LAMB4: variants seen among roughly 807,000 people sequenced by gnomAD.
LAMB4 encodes the protein laminin subunit beta 4.
A neutral mutation model predicts 199.2 loss-of-function variants in LAMB4; 196 were observed. The ratio of observed to expected loss-of-function variants is 0.98; its 90% confidence interval spans 0.88 to 1.11. LAMB4 has a LOEUF of 1.11. Among genes scored for constraint, LAMB4 ranks in the 50% least tolerant of loss-of-function variants. The probability of loss-of-function intolerance (pLI) is 0.00; values close to 1 mark genes in which losing one functional copy is unlikely to be tolerated. For synonymous variants in LAMB4, 744 were observed against 770.6 expected (o/e 0.97, Z 0.57); for missense variants, 2,080 against 2,171.2 (o/e 0.96, Z 0.83).
chr7:108,030,755 T>G, intron 32 of LAMB4, 51 bp downstream of exon 32: 1 of 1,567,780 alleles, frequency 6.4e-7, no homozygotes, highest in Non-Finnish European at 8.7e-7. Flanking sequence ...GAACTATCTT[T>G]CAAAGAAGCC....
intron 17 of LAMB4, among the ~76,000 whole-genome samples, chr7:108,073,332 C>T (rs2036597115): frequency 6.6e-6 from 1 of 152,210 alleles, no homozygotes; most frequent in East Asian, 1.9e-4. Flanking sequence ...AATGCCATGA[C>T]TCACTTCTTC....
At chr7:108,059,761 T>TG (rs57381994) in intron 23 of LAMB4, among the ~76,000 whole-genome samples, 7,034 of 152,274 alleles carry the variant, frequency 0.046, 553 homozygotes, top group African/African-American at 0.16. Flanking sequence ...TCACAAGAGC[T>TG]GTGCCAAGTT....
the LAMB4 span, among the ~76,000 whole-genome samples, chr7:108,015,985 A>G: frequency 1.3e-5 from 2 of 152,140 alleles, no homozygotes; most frequent in Admixed American, 6.5e-5. Flanking sequence ...ACATGTCTCA[A>G]ATATTTGACT....
At chr7:108,078,161 T>G (rs1359577463) in intron 16 of LAMB4, 40 bp downstream of exon 16, 1 of 1,338,970 alleles carries the variant, frequency 7.5e-7, no homozygotes, top group East Asian at 2.4e-5. Context: ...AACAAAATTC[T>G]AAGAAGCTTT....
At chr7:108,084,954 G>C (rs2037112552) in intron 14 of LAMB4, among the ~76,000 whole-genome samples, 1 of 151,216 alleles carries the variant, frequency 6.6e-6, no homozygotes, top group African/African-American at 2.4e-5. Context: ...ATCTAGTCTA[G>C]TCTCAAACTC....
rs1228812764 is a variant in LAMB4, at chr7:108,098,463, A to G, written c.1300T>C (p.Cys434Arg). ...LCKENVEGAK[C>R]DQCKPNHYGL... Reference sequence around the variant, plus strand: ...TAGTGGTTGGGTTTGCACTGGTCGCATTTGGCTCCTTCCACGTTCTCTTTA... The same window carrying G: ...TAGTGGTTGGGTTTGCACTGGTCGCGTTTGGCTCCTTCCACGTTCTCTTTA... The change falls in exon 11 of 34, where the codon TGC becomes CGC. Residue 434 changes from cysteine to arginine, a missense_variant. Coordinates refer to ENST00000388781, the MANE Select transcript of LAMB4 (RefSeq NM_007356.3). The G allele has an allele frequency of 5.1e-6, 8 of 1,560,124 alleles. No individual in the cohort carries two copies. The highest frequency in any genetic ancestry group is 1.9e-5 in the Admixed American group (1 of 53,928).
chr7:108,088,788 G>A (rs1320438707), intron 14 of LAMB4, among the ~76,000 whole-genome samples: 1 of 152,174 alleles, frequency 6.6e-6, no homozygotes, highest in East Asian at 1.9e-4. Flanking sequence ...GAACACTGAG[G>A]ATGGCCTCTG....
At chr7:108,038,460 A>G (rs987188383) in intron 29 of LAMB4, among the ~76,000 whole-genome samples, 4 of 152,176 alleles carry the variant, frequency 2.6e-5, no homozygotes, top group African/African-American at 7.2e-5. Flanking sequence ...GTGCCCCCCA[A>G]AGAAACTTTC....
At chr7:108,096,743 G>GA (rs1456626211) in intron 11 of LAMB4, among the ~76,000 whole-genome samples, 2 of 142,582 alleles carry the variant, frequency 1.4e-5, no homozygotes, top group African/African-American at 5.2e-5. Context: ...ACCAGCCTAG[G>GA]AAACACAGTG....
intron 14 of LAMB4, among the ~76,000 whole-genome samples, chr7:108,082,636 C>A (rs1584709130): frequency 6.6e-6 from 1 of 152,154 alleles, no homozygotes; most frequent in East Asian, 1.9e-4. Context: ...TTCTTCAATT[C>A]TTGAATATAT....
chr7:108,065,167 C>T (rs531248017), intron 21 of LAMB4, among the ~76,000 whole-genome samples: 5 of 152,232 alleles, frequency 3.3e-5, no homozygotes, highest in South Asian at 2.1e-4. Flanking sequence ...ACCCACTTCC[C>T]GGCCTTCCAA....
intron 17 of LAMB4, among the ~76,000 whole-genome samples, chr7:108,074,985 T>A (rs2036649886): frequency 6.6e-6 from 1 of 152,232 alleles, no homozygotes; most frequent in South Asian, 2.1e-4. Flanking sequence ...AATTTGGGTT[T>A]CCTGATTATT....
At chr7:108,017,929 A>ATT in the LAMB4 span, among the ~76,000 whole-genome samples, 1 of 152,238 alleles carries the variant, frequency 6.6e-6, no homozygotes. Flanking sequence ...AAATGAGGAC[A>ATT]TGAAATTCAG....
intron 17 of LAMB4, among the ~76,000 whole-genome samples, chr7:108,071,941 T>C (rs1334373344): frequency 1.3e-5 from 2 of 152,158 alleles, no homozygotes; most frequent in Non-Finnish European, 2.9e-5. Context: ...GAACTTTTTT[T>C]TTTTTTTCAT....
intron 9 of LAMB4, among the ~76,000 whole-genome samples, chr7:108,104,136 A>T (rs560293475): frequency 8.5e-5 from 13 of 152,330 alleles, no homozygotes; most frequent in Non-Finnish European, 1.5e-4. Flanking sequence ...CATGGAATGT[A>T]TGACTATTCA....
rs140531244 is a variant in LAMB4, at chr7:108,075,212, C to T, written c.2124+1732G>A. On this transcript the variant is annotated intron_variant, in intron 17 of 33. Coordinates refer to ENST00000388781, the MANE Select transcript of LAMB4 (RefSeq NM_007356.3). ...GATTATATAGTTAGGGAAATCATGACGGTTTAAAATTCCCAATTAAGAGTT... is the reference window on the plus strand; with the variant it reads ...GATTATATAGTTAGGGAAATCATGATGGTTTAAAATTCCCAATTAAGAGTT... 5.9e-5 allele frequency among the ~76,000 whole-genome samples: 9 copies of T among 152,282 alleles called. No individual in the cohort carries two copies. The East Asian group carries it at 1.3e-3, about 23-fold the overall frequency.
chr7:108,097,408 C>T (rs1323819616), intron 11 of LAMB4, among the ~76,000 whole-genome samples: 1 of 152,178 alleles, frequency 6.6e-6, no homozygotes, highest in Admixed American at 6.5e-5. Context: ...CTTCCCTGAG[C>T]TCTTTAATTA....
chr7:108,104,998 G>A (rs409815), intron 8 of LAMB4, among the ~76,000 whole-genome samples: 55,359 of 151,686 alleles, frequency 0.36, 10,637 homozygotes, highest in Non-Finnish European at 0.41. Flanking sequence ...TTAGAAAAGG[G>A]AACGAAGCTG....
chr7:108,013,770 T>C, the LAMB4 span, among the ~76,000 whole-genome samples: 1 of 152,328 alleles, frequency 6.6e-6, no homozygotes, highest in South Asian at 2.1e-4. Context: ...GTTTACAATG[T>C]TGTTTCCAGC....
Sources: allele counts gnomAD v4.1 joint callset (sites outside exome capture counted in the v4.1 genomes callset), GRCh38; gene constraint gnomAD v4.1.1; transcripts MANE v1.5; gene names NCBI Gene and HGNC (gene_info 2026-07-23, HGNC 2026-07-21).